The following NTRK3 variants were observed in gnomAD, a reference collection of about 807,000 sequenced individuals.
NTRK3 encodes NT-3 growth factor receptor.
Under a neutral mutation model 91.7 loss-of-function variants are expected in NTRK3, and 24 were observed. The observed-to-expected ratio is 0.26, with a 90% confidence interval of 0.19 to 0.37. NTRK3 has a LOEUF of 0.37. Among genes scored for constraint, NTRK3 ranks in the 10% least tolerant of loss-of-function variants. NTRK3 has a pLI of 1.00. For missense variants in NTRK3, 880 were observed against 1,068.9 expected (o/e 0.82, Z 2.46); for synonymous variants, 483 against 404.0 (o/e 1.20, Z -2.34).
At chr15:88,121,547 G>A (rs912600593) in intron 13 of NTRK3, among the ~76,000 whole-genome samples, 1 of 152,142 alleles carries the variant, frequency 6.6e-6, no homozygotes, top group Non-Finnish European at 1.5e-5. Context: ...CTCACTTCCA[G>A]GCCCAGGATG....
chr15:87,893,369 T>C (rs16940971), intron 17 of NTRK3, among the ~76,000 whole-genome samples: 5,410 of 152,192 alleles, frequency 0.036, 343 homozygotes, highest in African/African-American at 0.12. Flanking sequence ...CAGAAATAAG[T>C]GGTGCAGAAG....
intron 5 of NTRK3, among the ~76,000 whole-genome samples, chr15:88,157,964 G>A (rs1053756158): frequency 6.6e-6 from 1 of 152,322 alleles, no homozygotes; most frequent in Non-Finnish European, 1.5e-5. Flanking sequence ...AGTGACTTCT[G>A]ATCCTTAGTG....
chr15:88,050,909 A>G (rs1265344781), intron 13 of NTRK3, among the ~76,000 whole-genome samples: 1 of 152,204 alleles, frequency 6.6e-6, no homozygotes, highest in Non-Finnish European at 1.5e-5. Flanking sequence ...GCCACAAACT[A>G]TAATTTTAAG....
chr15:87,986,438 C>T (rs1169481506), intron 14 of NTRK3, among the ~76,000 whole-genome samples: 1 of 152,216 alleles, frequency 6.6e-6, no homozygotes, highest in Non-Finnish European at 1.5e-5. Flanking sequence ...CTCCTCTACC[C>T]CATCACCAGA....
At chr15:87,862,963 A>T in exon 19 of NTRK3, 1 of 230,760 alleles carries the variant, frequency 4.3e-6, no homozygotes, top group Non-Finnish European at 8.6e-6. Flanking sequence ...TGAGTCAAAC[A>T]TAGACTTGTA....
At chr15:88,150,374 G>GAAAT (rs1259078748) in intron 5 of NTRK3, among the ~76,000 whole-genome samples, 2 of 152,184 alleles carry the variant, frequency 1.3e-5, no homozygotes. Context: ...CTGAAAGAAA[G>GAAAT]AAAATAACAG....
chr15:87,985,323 G>A (rs975977209), intron 14 of NTRK3, among the ~76,000 whole-genome samples: 1 of 152,178 alleles, frequency 6.6e-6, no homozygotes, highest in Non-Finnish European at 1.5e-5. Flanking sequence ...TAAGGCACAC[G>A]ACAAAAGGTT....
At position 88,243,148 on chromosome 15, in the gene NTRK3, G is replaced by C. The variant is rs1000284781; in HGVS notation, c.248+12758C>G. On this transcript the variant is annotated intron_variant, in intron 3 of 18. Transcript: ENST00000394480. This position sits in a 1 kb window ranked among gnomAD's most constrained non-coding sequence, Gnocchi z 4.8. ...CTTTCTTGCTCCTGAGTGCCTCAAA[G>C]ACAAGGTTTCTGCCAAGAGAATAAA... Among the ~76,000 whole-genome samples, 2 of 152,132 alleles carry C rather than the reference G, an allele frequency of 1.3e-5. No homozygotes were observed. The highest frequency in any genetic ancestry group is 2.9e-5 in the Non-Finnish European group (2 of 68,012).
intron 3 of NTRK3, among the ~76,000 whole-genome samples, chr15:88,215,527 A>G (rs1315933266): frequency 6.6e-6 from 1 of 152,258 alleles, no homozygotes; most frequent in Non-Finnish European, 1.5e-5. Context: ...GAGAGAAATC[A>G]AAAGCATCAA....
At chr15:87,925,224 A>G (rs941436152) in intron 17 of NTRK3, among the ~76,000 whole-genome samples, 1 of 152,304 alleles carries the variant, frequency 6.6e-6, no homozygotes, top group South Asian at 2.1e-4. Context: ...GTGTGGGAAC[A>G]TTTGTTTTCT....
chr15:87,900,689 G>GT (rs2066395403), intron 17 of NTRK3, among the ~76,000 whole-genome samples: 1 of 133,648 alleles, frequency 7.5e-6, no homozygotes, highest in Non-Finnish European at 1.6e-5. Flanking sequence ...ACTTTACAGA[G>GT]GGTGTGTGTG....
chr15:87,961,223 G>A (rs2072252321), intron 14 of NTRK3, among the ~76,000 whole-genome samples: 1 of 152,146 alleles, frequency 6.6e-6, no homozygotes, highest in African/African-American at 2.4e-5. Context: ...TGACTTCCCT[G>A]TGCACAGCCA....
chr15:88,077,520 C>T (rs1409315978), intron 13 of NTRK3, among the ~76,000 whole-genome samples: 3 of 152,056 alleles, frequency 2.0e-5, no homozygotes, highest in East Asian at 1.9e-4. Flanking sequence ...TTGAGAAACC[C>T]GGCACTTTGG....
chr15:88,114,891 T>G (rs558523674), intron 13 of NTRK3, among the ~76,000 whole-genome samples: 35 of 152,352 alleles, frequency 2.3e-4, no homozygotes, highest in African/African-American at 8.2e-4. Flanking sequence ...GCATTGTATT[T>G]ATCATATATA....
chr15:88,154,437 C>T (rs1013678086), intron 5 of NTRK3, among the ~76,000 whole-genome samples: 4 of 152,210 alleles, frequency 2.6e-5, no homozygotes, highest in African/African-American at 4.8e-5. Context: ...CTGCTGCCGC[C>T]CAACATTCTT....
chr15:88,061,030 A>G (rs1212220338), intron 13 of NTRK3, among the ~76,000 whole-genome samples: 1 of 151,424 alleles, frequency 6.6e-6, no homozygotes, highest in Non-Finnish European at 1.5e-5. Flanking sequence ...TAATTTGTTC[A>G]TCTACTTCCA....
intron 13 of NTRK3, among the ~76,000 whole-genome samples, chr15:88,042,716 A>G (rs2079764555): frequency 6.6e-6 from 1 of 152,144 alleles, no homozygotes; most frequent in South Asian, 2.1e-4. Flanking sequence ...GGAAGGCAGG[A>G]TGGGTATTTG....
At chr15:88,097,566 G>A (rs1398286716) in intron 13 of NTRK3, among the ~76,000 whole-genome samples, 2 of 152,156 alleles carry the variant, frequency 1.3e-5, no homozygotes, top group Non-Finnish European at 2.9e-5. Context: ...TAAGGTATAG[G>A]ATAATCCTAA....
In NTRK3 at chr15:87,866,204, G is replaced by T. The variant is rs556545937; in HGVS notation, c.*10731C>A. Reference sequence around the variant, plus strand: ...ATCTCTCAGCAGGAAATAGAAATGTGCAAGTTCTCTGCCTCCTATTCCCAT... The same window carrying T: ...ATCTCTCAGCAGGAAATAGAAATGTTCAAGTTCTCTGCCTCCTATTCCCAT... On this transcript the variant is annotated 3_prime_UTR_variant, in exon 19 of 19. Transcript: ENST00000394480. 176 of 221,330 alleles carry T rather than the reference G, an allele frequency of 8.0e-4. 1 individual carries two copies. Among genetic ancestry groups the T allele is most frequent in the African/African-American group, 3.8e-3 (169 of 44,732 alleles). The allele number at this position is 221,330 out of a possible 1,614,324, so 13.7% of individuals were successfully genotyped here.
Sources: gnomAD v4.1 joint callset for allele counts (sites outside exome capture counted in the v4.1 genomes callset) on GRCh38, gnomAD v4.1.1 for gene constraint, Gnocchi (gnomAD v3.1) non-coding constraint, MANE v1.5 for transcripts, NCBI Gene and HGNC (gene_info 2026-07-23, HGNC 2026-07-21) for gene names.